Variants in MAST4 observed in about 807,000 individuals in gnomAD.
The protein encoded by MAST4 is microtubule-associated serine/threonine-protein kinase 4.
Under a neutral mutation model 162.7 loss-of-function variants are expected in MAST4, and 89 were observed. That is an observed-to-expected ratio of 0.55 (90% CI 0.46 to 0.65). MAST4 has a LOEUF of 0.65. MAST4 is among the 30% of genes least tolerant of loss of function. The pLI, the probability that MAST4 is intolerant of heterozygous loss-of-function variation, is 0.00. For missense variants in MAST4, 3,153 were observed against 3,374.0 expected (o/e 0.93, Z 1.62); for synonymous variants, 1,479 against 1,361.1 (o/e 1.09, Z -1.91).
intron 1 of MAST4, 30 bp from the exon 2 acceptor site, chr5:66,759,679 C>G (rs761998915): frequency 1.2e-6 from 2 of 1,612,024 alleles, no homozygotes; most frequent in Admixed American, 3.3e-5. Flanking sequence ...GATGCCCTAG[C>G]CAGTGATGCC....
intron 4 of MAST4, among the ~76,000 whole-genome samples, chr5:67,042,809 A>G (rs1227714191): frequency 1.3e-5 from 2 of 152,258 alleles, no homozygotes; most frequent in African/African-American, 2.4e-5. Context: ...CATGCTGAAC[A>G]GAAAGACACT....
intron 4 of MAST4, among the ~76,000 whole-genome samples, chr5:66,909,063 CT>C (rs1763568958): frequency 1.3e-5 from 2 of 152,062 alleles, no homozygotes; most frequent in South Asian, 2.1e-4. Flanking sequence ...TATTTTTGTC[CT>C]GTTGAGTTAG....
intron 1 of MAST4, among the ~76,000 whole-genome samples, chr5:66,615,971 G>A (rs910877914): frequency 7.9e-5 from 12 of 152,154 alleles, no homozygotes; most frequent in Admixed American, 1.3e-4. Context: ...TACCCTTGCC[G>A]TGTTGTGATG....
At chr5:67,078,717 A>G (rs1372520687) in intron 5 of MAST4, among the ~76,000 whole-genome samples, 1 of 113,556 alleles carries the variant, frequency 8.8e-6, no homozygotes, top group Non-Finnish European at 1.7e-5. Flanking sequence ...ATATTTATTT[A>G]TATTATATTT....
intron 3 of MAST4, chr5:66,829,026 G>T: frequency 1.4e-6 from 1 of 735,770 alleles, no homozygotes; most frequent in Non-Finnish European, 2.4e-6. Flanking sequence ...CGGAGTTTCT[G>T]GTTACAGGTA....
intron 1 of MAST4, among the ~76,000 whole-genome samples, chr5:66,704,874 A>G (rs1418352624): frequency 3.3e-5 from 5 of 152,024 alleles, no homozygotes; most frequent in African/African-American, 1.2e-4. Flanking sequence ...TTTCATATGT[A>G]AGAATCTTGA....
Position 67,149,499 on chromosome 5 carries a change from C to A in MAST4, c.3205C>A (p.Gln1069Lys). 2 of 1,613,734 alleles carry A rather than the reference C, an allele frequency of 1.2e-6. No homozygotes were observed. Among genetic ancestry groups the A allele is most frequent in the African/African-American group, 2.7e-5 (2 of 75,014 alleles). ...TGAACCCGCTTCTCACATGGCTCGG[C>A]AGCGATTAGAAAGCACAGAAAAAAA... The part of the protein sequence containing the change: ...SSEPASHMAR[Q>K]RLESTEKKKI... The change falls in exon 24 of 29, where the codon CAG becomes AAG. Residue 1069 changes from glutamine (Q) to lysine (K), a missense_variant. This residue lies in a region of MAST4 where 619 missense variants were observed against 744.2 expected (regional missense o/e 0.83). Transcript: ENST00000403625.
intron 4 of MAST4, among the ~76,000 whole-genome samples, chr5:66,998,199 C>G (rs1362758700): frequency 6.6e-6 from 1 of 152,220 alleles, no homozygotes; most frequent in Non-Finnish European, 1.5e-5. Flanking sequence ...CAAATTGACA[C>G]TTCTTATAAT....
intron 5 of MAST4, among the ~76,000 whole-genome samples, chr5:67,085,323 T>C (rs1321587453): frequency 6.6e-6 from 1 of 152,206 alleles, no homozygotes; most frequent in African/African-American, 2.4e-5. Context: ...TCTTACCTTG[T>C]CTGTGCTGGT....
intron 4 of MAST4, among the ~76,000 whole-genome samples, chr5:67,053,997 C>T (rs527750708): frequency 1.7e-4 from 26 of 152,272 alleles, no homozygotes; most frequent in Admixed American, 4.6e-4. Context: ...TTAATTAGTG[C>T]GTCATTATAA....
Position 67,136,631 on chromosome 5 carries a change from C to A in MAST4, c.2461C>A (p.Leu821Ile). 1 of 1,603,714 alleles carries A rather than the reference C, an allele frequency of 6.2e-7. No individual in the cohort carries two copies. The highest frequency in any genetic ancestry group is 8.5e-7 in the Non-Finnish European group (1 of 1,174,932). ...PDAQDLITLL[L>I]RQNPLERLGT... The stretch of plus-strand genomic sequence containing the variant: ...TGCCCAGGATCTGATTACCTTACTC[C>A]TCAGGCAGAATCCCCTGGAGAGGCT... The change falls in exon 19 of 29, where the codon CTC becomes ATC. Residue 821 changes from leucine to isoleucine, a missense_variant. By Grantham distance (5) the Leu-to-Ile change is conservative (BLOSUM62 2). Coordinates refer to ENST00000403625, the MANE Select transcript of MAST4 (RefSeq NM_001164664.2).
intron 4 of MAST4, among the ~76,000 whole-genome samples, chr5:66,927,089 G>A (rs6862597): frequency 0.13 from 20,426 of 152,034 alleles, 1,503 homozygotes; most frequent in Non-Finnish European, 0.16. Flanking sequence ...ATTTCCTCTC[G>A]TTTTCTTTTA....
intron 16 of MAST4, among the ~76,000 whole-genome samples, chr5:67,132,410 T>A (rs1334739518): frequency 6.6e-6 from 1 of 151,936 alleles, no homozygotes; most frequent in Admixed American, 6.6e-5. Flanking sequence ...TTAATTTTTT[T>A]AAGTTTTTTT....
intron 4 of MAST4, among the ~76,000 whole-genome samples, chr5:66,925,319 G>C (rs2150057981): frequency 6.6e-6 from 1 of 152,282 alleles, no homozygotes; most frequent in African/African-American, 2.4e-5. Flanking sequence ...CTCAGTTTCA[G>C]TAATTCATTT....
chr5:66,596,609 GCGCCGCGCCCC>G lies in MAST4; in HGVS notation c.-40_-30del. On this transcript the variant is annotated 5_prime_UTR_variant, in exon 1 of 29. Transcript: ENST00000403625. ...GTCTTCCCCGGGAGGCGCTGAGTGC[GCGCCGCGCCCC>G]CGCCGCTCGGGAGGCACTTTGGGCC... The G allele has an allele frequency of 7.2e-7, 1 of 1,387,530 alleles. No homozygotes were observed. Among genetic ancestry groups the G allele is most frequent in the Non-Finnish European group, 9.3e-7 (1 of 1,074,338 alleles). 86.0% of individuals were successfully genotyped at this position (1,387,530 alleles called of 1,614,324 possible). A position where few individuals can be genotyped will look rare whatever the true frequency, so the allele number is the denominator to read the frequency against.
chr5:67,029,436 T>C (rs918511638), intron 4 of MAST4, among the ~76,000 whole-genome samples: 9 of 152,192 alleles, frequency 5.9e-5, no homozygotes, highest in African/African-American at 2.2e-4. Flanking sequence ...TAAACATCTT[T>C]GCTTGTAGGA....
intron 4 of MAST4, among the ~76,000 whole-genome samples, chr5:66,951,634 G>GTGTGTGTGTGTATGTA (rs1744707271): frequency 6.7e-6 from 1 of 148,622 alleles, no homozygotes; most frequent in Admixed American, 6.7e-5. Flanking sequence ...GTGTGTGTGT[G>GTGTGTGTGTGTATGTA]TGTGTGTGTG....
intron 3 of MAST4, among the ~76,000 whole-genome samples, chr5:66,838,644 G>A (rs1758198837): frequency 6.6e-6 from 1 of 152,188 alleles, no homozygotes; most frequent in African/African-American, 2.4e-5. Context: ...TCTGCGGAAG[G>A]AAGCCGGGAA....
intron 4 of MAST4, among the ~76,000 whole-genome samples, chr5:66,923,012 C>T (rs1764645285): frequency 6.6e-6 from 1 of 152,124 alleles, no homozygotes; most frequent in South Asian, 2.1e-4. Flanking sequence ...GACACTGTGA[C>T]TGAACAAATA....
Sources: gnomAD v4.1 joint callset for allele counts (sites outside exome capture counted in the v4.1 genomes callset) on GRCh38, gnomAD v4.1.1 for gene constraint, gnomAD v4.1.1 regional missense constraint, MANE v1.5 for transcripts, NCBI Gene and HGNC (gene_info 2026-07-23, HGNC 2026-07-21) for gene names.